The following TNPO1 variants were observed in gnomAD, a reference collection of about 807,000 sequenced individuals.
TNPO1 encodes the protein transportin-1.
TNPO1 carries 8 observed loss-of-function variants against 119.5 expected under a neutral mutation model. That is an observed-to-expected ratio of 0.07 (90% CI 0.04 to 0.12). The LOEUF (loss-of-function observed/expected upper bound fraction) is 0.12, where lower values mean the gene tolerates loss of function less well. Among genes scored for constraint, TNPO1 ranks in the 10% least tolerant of loss-of-function variants. The probability of loss-of-function intolerance (pLI) is 1.00; values close to 1 mark genes in which losing one functional copy is unlikely to be tolerated. For synonymous variants in TNPO1, 362 were observed against 363.0 expected, an observed-to-expected ratio of 1.00 and a Z score of 0.03; for missense variants, 576 against 1,089.8, an observed-to-expected ratio of 0.53 and a Z score of 6.64.
rs1442198744 is a variant in TNPO1 at position 72,891,830 on chromosome 5, G to A, written c.1722G>A (p.Met574Ile). ...LNKPEYIQML[M>I]PPLIQKWNML... ...AATAGGAATATATTCAGATGCTAAT[G>A]CCTCCACTGATCCAGAAATGGAACA... is the stretch of plus-strand genomic sequence containing the variant. The change falls in exon 15 of 25, where the codon ATG becomes ATA. Residue 574 changes from methionine (M) to isoleucine (I), a missense_variant. Transcript: ENST00000337273. 1 of 1,609,870 alleles carries A rather than the reference G, an allele frequency of 6.2e-7. No individual in the cohort carries two copies. The highest frequency in any genetic ancestry group is 1.7e-5 in the Admixed American group (1 of 59,766).
Position 72,903,800 on chromosome 5 carries a change from T to C in TNPO1, c.2589+17T>C, listed in dbSNP as rs746386255. 5 of 1,504,438 alleles carry C rather than the reference T, an allele frequency of 3.3e-6. No homozygotes were observed. Among genetic ancestry groups the C allele is most frequent in the Admixed American group, 1.8e-5 (1 of 54,796 alleles). The allele number at this position is 1,504,438 out of a possible 1,614,324, so 93.2% of individuals were successfully genotyped here. A position where few individuals can be genotyped will look rare whatever the true frequency, so the allele number is the denominator to read the frequency against. On this transcript the variant is annotated intron_variant, in intron 23 of 24. Transcript: ENST00000337273. ...TTCTGTAAGGTAACTAATAAGTCTT[T>C]ATAATGCATCATCTTGAGACTGTTA... is the stretch of plus-strand genomic sequence containing the variant.
chr5:72,905,550 G>A (rs950075285), intron 24 of TNPO1, 105 bp downstream of exon 24: 1 of 566,472 alleles, frequency 1.8e-6, no homozygotes, highest in Admixed American at 3.2e-5. Context: ...TTCTATAGAG[G>A]TTGAATAAAA....
rs1750430927 is a variant in TNPO1, at chr5:72,909,730, A to G, written c.*1057A>G. Reference sequence around the variant, plus strand: ...AAGATTTGTGGATTTTATTTTTATTAAGAACATAGATATATAAAGTACTGT... The same window carrying G: ...AAGATTTGTGGATTTTATTTTTATTGAGAACATAGATATATAAAGTACTGT... On this transcript the variant is annotated 3_prime_UTR_variant, in exon 25 of 25. Transcript: ENST00000337273. 1 of 152,596 alleles carries G rather than the reference A, an allele frequency of 6.6e-6. No homozygotes were observed. The highest frequency in any genetic ancestry group is 1.5e-5 in the Non-Finnish European group (1 of 68,026). 9.5% of individuals were successfully genotyped at this position (152,596 alleles called of 1,614,324 possible). A position where few individuals can be genotyped will look rare whatever the true frequency, so the allele number is the denominator to read the frequency against.
intron 1 of TNPO1, among the ~76,000 whole-genome samples, chr5:72,820,033 T>C (rs1409103723): frequency 6.6e-6 from 1 of 152,224 alleles, no homozygotes. Context: ...GTAAGCCCTT[T>C]TGCGCATTTC....
chr5:72,905,207 A>G, intron 23 of TNPO1, 96 bp from the exon 24 acceptor site: 1 of 931,714 alleles, frequency 1.1e-6, no homozygotes, highest in Non-Finnish European at 1.6e-6. Flanking sequence ...AATGGATAAA[A>G]TTTATAAAAA....
intron 9 of TNPO1, 84 bp downstream of exon 9, chr5:72,877,430 C>A (rs1747878218): frequency 1.4e-6 from 1 of 703,974 alleles, no homozygotes; most frequent in Non-Finnish European, 2.3e-6. Flanking sequence ...AAAATTCATT[C>A]TTTTGCCATC....
rs762115795 is a variant in TNPO1, at chr5:72,861,824, T to C, written c.372T>C (p.Thr124=). 32 of 1,613,526 alleles carry C rather than the reference T, an allele frequency of 2.0e-5. 1 individual carries two copies. The Admixed American group carries it at 4.7e-4, about 24-fold the overall frequency. Residue 124 remains threonine (T), a synonymous_variant, in exon 5 of 25, where the codon ACT becomes ACC. Coordinates refer to ENST00000337273, the MANE Select transcript of TNPO1 (RefSeq NM_002270.4). ...TTGTTCAAGGTATTTTGATCACAAC[T>C]ATAGCCTCCAAGGGAGAATTGCAGA... ...IRATVGILIT[T]IASKGELQNW...
rs371915197 is a variant in TNPO1 at position 72,865,766 on chromosome 5, T to C, written c.596+37T>C. 1,275 of 1,576,964 alleles carry C rather than the reference T, an allele frequency of 8.1e-4. 14 individuals are homozygous for C. The highest frequency in any genetic ancestry group is 8.0e-3 in the South Asian group (685 of 85,970). On this transcript the variant is annotated intron_variant, in intron 6 of 24. Transcript: ENST00000337273. ...GCCAGTACTAATTGATTAACTGTGATATAAACCTGACCATTATCTTAGTTT... is the reference window on the plus strand; with the variant it reads ...GCCAGTACTAATTGATTAACTGTGACATAAACCTGACCATTATCTTAGTTT...
At chr5:72,871,798 G>T (rs1410263603) in intron 6 of TNPO1, 1 of 152,162 alleles carries the variant, frequency 6.6e-6, no homozygotes, top group Non-Finnish European at 1.5e-5. Context: ...GAAGTTAGGG[G>T]GTAAGGGAGG....
rs1215064576 is a variant in TNPO1 at position 72,911,936 on chromosome 5, A to G, written c.*3263A>G. ...GTTGGAAACAGAAAGTGTAATTAAT[A>G]TAACTTAAATGCATGTTTGGCAGTT... On this transcript the variant is annotated 3_prime_UTR_variant, in exon 25 of 25. Transcript: ENST00000337273. The G allele has an allele frequency of 1.3e-5, 2 of 152,540 alleles. No homozygotes were observed. The highest frequency in any genetic ancestry group is 4.8e-5 in the African/African-American group (2 of 41,452). 9.4% of individuals were successfully genotyped at this position (152,540 alleles called of 1,614,324 possible).
chr5:72,896,906 A>G, intron 19 of TNPO1, 150 bp from the exon 20 acceptor site: 2 of 466,960 alleles, frequency 4.3e-6, no homozygotes, highest in Non-Finnish European at 7.5e-6. Context: ...AGGTGCCTTG[A>G]TATTTTTGTA....
intron 1 of TNPO1, among the ~76,000 whole-genome samples, chr5:72,835,839 C>T (rs1744673307): frequency 6.6e-6 from 1 of 152,190 alleles, no homozygotes; most frequent in Non-Finnish European, 1.5e-5. Context: ...ATGAGTGAGG[C>T]CCAAAGTATG....
chr5:72,909,043 A>G lies in TNPO1; in HGVS notation c.*370A>G, dbSNP rs1460093929. On this transcript the variant is annotated 3_prime_UTR_variant, in exon 25 of 25. Transcript: ENST00000337273. ...AACAAGAACCATATAAATGATGCCT[A>G]GGGACAAGAAAGAGGAACAATTCTA... The G allele has an allele frequency of 3.9e-6, 1 of 258,740 alleles. No individual in the cohort carries two copies. Among genetic ancestry groups the G allele is most frequent in the East Asian group, 1.1e-4 (1 of 8,866 alleles). The allele number at this position is 258,740 out of a possible 1,614,324, so 16.0% of individuals were successfully genotyped here. A position where few individuals can be genotyped will look rare whatever the true frequency, so the allele number is the denominator to read the frequency against.
intron 9 of TNPO1, among the ~76,000 whole-genome samples, chr5:72,881,599 G>T (rs914437955): frequency 6.6e-6 from 1 of 152,162 alleles, no homozygotes; most frequent in Admixed American, 6.6e-5. Flanking sequence ...GCTAATTCAT[G>T]TTCCAGATCA....
intron 1 of TNPO1, 30 bp from the exon 2 acceptor site, chr5:72,848,355 G>T (rs938291248): frequency 6.2e-7 from 1 of 1,601,098 alleles, no homozygotes; most frequent in Non-Finnish European, 8.5e-7. Flanking sequence ...CAGTTGCTCC[G>T]TCTCTTCCTG....
At chr5:72,855,742 C>T in intron 3 of TNPO1, 32 bp from the exon 4 acceptor site, 1 of 1,550,036 alleles carries the variant, frequency 6.5e-7, no homozygotes, top group Non-Finnish European at 8.7e-7. Context: ...AAGACTACTT[C>T]AAAACTCATT....
At chr5:72,851,612 CT>C (rs1239239225) in intron 3 of TNPO1, among the ~76,000 whole-genome samples, 2 of 152,182 alleles carry the variant, frequency 1.3e-5, no homozygotes, top group Non-Finnish European at 2.9e-5. Flanking sequence ...CATGCCAAAC[CT>C]CCCTAGTAGC....
chr5:72,908,829 G>A lies in TNPO1; in HGVS notation c.*156G>A, dbSNP rs1277814558. ...CAATCCCAACCCTACTGGGAGGGGCGGGAGGGAGGTGTTGCCGTCACTGTA... is the reference window on the plus strand; with the variant it reads ...CAATCCCAACCCTACTGGGAGGGGCAGGAGGGAGGTGTTGCCGTCACTGTA... On this transcript the variant is annotated 3_prime_UTR_variant, in exon 25 of 25. Transcript: ENST00000337273. 4.5e-6 allele frequency: 2 copies of A among 442,826 alleles called. No individual in the cohort carries two copies. Among genetic ancestry groups the A allele is most frequent in the East Asian group, 7.2e-5 (1 of 13,868 alleles). The allele number at this position is 442,826 out of a possible 1,614,324, so 27.4% of individuals were successfully genotyped here.
chr5:72,869,992 A>G (rs559715835), intron 6 of TNPO1, among the ~76,000 whole-genome samples: 213 of 152,238 alleles, frequency 1.4e-3, no homozygotes, highest in Non-Finnish European at 2.5e-3. Context: ...TTTTATTGGG[A>G]AATGATATTT....
Sources: gnomAD v4.1 joint callset for allele counts (sites outside exome capture counted in the v4.1 genomes callset) on GRCh38, gnomAD v4.1.1 for gene constraint, MANE v1.5 for transcripts, NCBI Gene and HGNC (gene_info 2026-07-23, HGNC 2026-07-21) for gene names.